The following ZNF625 variants were observed in gnomAD, a reference collection of about 807,000 sequenced individuals.
ZNF625 encodes zinc finger protein 625.
In ZNF625, 8 loss-of-function variants were observed where a neutral mutation model predicts 11.1. The observed-to-expected ratio is 0.72, with a 90% CI of 0.42 to 1.30. The LOEUF is 1.30. Ranked by LOEUF, ZNF625 falls within the 50% of genes most tolerant of loss-of-function variation. The pLI is 0.01. For missense variants in ZNF625, 349 were observed against 447.6 expected (o/e 0.78, Z 1.99); for synonymous variants, 145 against 153.4 (o/e 0.95, Z 0.41).
Position 12,145,506 on chromosome 19 carries a change from C to G in ZNF625, c.910G>C (p.Glu304Gln). The G allele has an allele frequency of 6.2e-7, 1 of 1,604,290 alleles. No homozygotes were observed. Among genetic ancestry groups the G allele is most frequent in the Admixed American group, 1.7e-5 (1 of 59,586 alleles). The part of the protein sequence containing the change: ...ERTHTGEKPY[E>Q]CKQCGKAFRS... Reference sequence around the variant, plus strand: ...AAGGCTTTCCCACATTGCTTACATTCATAGGGCTTCTCTCCAGTGTGAGTT... The same window carrying G: ...AAGGCTTTCCCACATTGCTTACATTGATAGGGCTTCTCTCCAGTGTGAGTT... Residue 304 changes from glutamate (E) to glutamine (Q), a missense_variant, in exon 4 of 4, where the codon GAA (glutamate) becomes CAA (glutamine). Physicochemically the swap from Glu to Gln is conservative, Grantham distance 29. Coordinates refer to ENST00000439556, the MANE Select transcript of ZNF625 (RefSeq NM_145233.4).
chr19:12,145,162 G>A lies in ZNF625; in HGVS notation c.*135C>T, dbSNP rs149597664. On this transcript the variant is annotated 3_prime_UTR_variant, in exon 4 of 4. Coordinates refer to ENST00000439556, the MANE Select transcript of ZNF625 (RefSeq NM_145233.4). ...AAAAATTTTTGCTCCTGGGCTACTG[G>A]CATTTATTTCTGAATGCTGTCAAAT... 0.018 allele frequency: 20,901 copies of A among 1,136,472 alleles called. 241 individuals carry two copies. The highest frequency in any genetic ancestry group is 0.023 in the Non-Finnish European group (18,061 of 802,098). 70.4% of individuals were successfully genotyped at this position (1,136,472 alleles called of 1,614,324 possible). A position where few individuals can be genotyped will look rare whatever the true frequency, so the allele number is the denominator to read the frequency against.
Position 12,145,291 on chromosome 19 carries a change from T to A in ZNF625, c.*6A>T. 1 of 1,584,264 alleles carries A rather than the reference T, an allele frequency of 6.3e-7. No individual in the cohort carries two copies. Among genetic ancestry groups the A allele is most frequent in the Non-Finnish European group, 8.6e-7 (1 of 1,164,966 alleles). On this transcript the variant is annotated 3_prime_UTR_variant, in exon 4 of 4. Coordinates refer to ENST00000439556, the MANE Select transcript of ZNF625 (RefSeq NM_145233.4). ...GATTCGGTGGCTTCTAGGAATCTTA[T>A]GTGAATTAAGCAATCTTCTCGCCTT...
chr19:12,156,378 G>C (rs1452647274), intron 1 of ZNF625, among the ~76,000 whole-genome samples, 178 bp downstream of exon 1: 1 of 151,664 alleles, frequency 6.6e-6, no homozygotes, highest in African/African-American at 2.4e-5. Flanking sequence ...CTGGGGTCCC[G>C]GCTGCCGGCC....
chr19:12,156,515 GC>G, intron 1 of ZNF625, 40 bp downstream of exon 1: 1 of 1,414,552 alleles, frequency 7.1e-7, no homozygotes, highest in Admixed American at 2.7e-5. Flanking sequence ...GTTCCTCCCG[GC>G]CCCTCCCCCG....
At chr19:12,156,526 G>T (rs1206602397) in intron 1 of ZNF625, 30 bp downstream of exon 1, 1 of 1,423,482 alleles carries the variant, frequency 7.0e-7, no homozygotes. Context: ...CCCCTCCCCC[G>T]TCTCGGGACC....
chr19:12,148,545 G>T (rs1427807396), intron 1 of ZNF625, among the ~76,000 whole-genome samples: 1 of 151,970 alleles, frequency 6.6e-6, no homozygotes, highest in Non-Finnish European at 1.5e-5. Flanking sequence ...AACCCCATGT[G>T]CTCTGTCCAA....
Position 12,156,713 on chromosome 19 carries a change from G to A in ZNF625, c.-155C>T, listed in dbSNP as rs1333399137. Reference sequence around the variant, plus strand: ...TCCCGACCTCCCTTTGGTGCAAGACGCCTGGGAGTCAGGAAAGCGGGAATG... The same window carrying A: ...TCCCGACCTCCCTTTGGTGCAAGACACCTGGGAGTCAGGAAAGCGGGAATG... On this transcript the variant is annotated 5_prime_UTR_variant, in exon 1 of 4. Coordinates refer to ENST00000439556, the MANE Select transcript of ZNF625 (RefSeq NM_145233.4). The A allele has an allele frequency of 2.1e-5, 14 of 662,830 alleles. No individual in the cohort carries two copies. The highest frequency in any genetic ancestry group is 2.6e-5 in the Non-Finnish European group (12 of 465,444). The allele number at this position is 662,830 out of a possible 1,614,324, so 41.1% of individuals were successfully genotyped here. A position where few individuals can be genotyped will look rare whatever the true frequency, so the allele number is the denominator to read the frequency against.
chr19:12,150,716 A>C (rs922620421), intron 1 of ZNF625, among the ~76,000 whole-genome samples: 2 of 152,164 alleles, frequency 1.3e-5, no homozygotes, highest in African/African-American at 4.8e-5. Context: ...ACCCTGCTTC[A>C]CAAGTCTGGA....
chr19:12,146,291 C>T (rs1471445829), intron 3 of ZNF625, 67 bp from the exon 4 acceptor site: 1 of 1,412,872 alleles, frequency 7.1e-7, no homozygotes, highest in East Asian at 2.3e-5. Flanking sequence ...ATTAACAAGT[C>T]ATTGCACTTG....
chr19:12,156,667 C>G lies in ZNF625; in HGVS notation c.-109G>C. 2 of 1,132,266 alleles carry G rather than the reference C, an allele frequency of 1.8e-6. No homozygotes were observed. Among genetic ancestry groups the G allele is most frequent in the East Asian group, 3.2e-5 (1 of 31,234 alleles). The allele number at this position is 1,132,266 out of a possible 1,614,324, so 70.1% of individuals were successfully genotyped here. A position where few individuals can be genotyped will look rare whatever the true frequency, so the allele number is the denominator to read the frequency against. ...GCTATGGCGGAGGCACCTGGTCCCT[C>G]TCGGGGCCGGAAAACCGAGATCCCG... On this transcript the variant is annotated 5_prime_UTR_variant, in exon 1 of 4. Coordinates refer to ENST00000439556, the MANE Select transcript of ZNF625 (RefSeq NM_145233.4).
Position 12,156,732 on chromosome 19 carries a change from G to A in ZNF625, c.-174C>T, listed in dbSNP as rs1005227453. On this transcript the variant is annotated 5_prime_UTR_variant, in exon 1 of 4. Transcript: ENST00000439556. ...CAAGACGCCTGGGAGTCAGGAAAGC[G>A]GGAATGCGGCCTCCCCTTCCCCGGA... 2.1e-5 allele frequency: 11 copies of A among 534,900 alleles called. No homozygotes were observed. Among genetic ancestry groups the A allele is most frequent in the East Asian group, 3.5e-5 (1 of 28,574 alleles). 33.1% of individuals were successfully genotyped at this position (534,900 alleles called of 1,614,324 possible).
intron 1 of ZNF625, among the ~76,000 whole-genome samples, chr19:12,150,228 G>T (rs966344981): frequency 6.6e-6 from 1 of 152,204 alleles, no homozygotes; most frequent in Non-Finnish European, 1.5e-5. Flanking sequence ...ATGTCGATTA[G>T]AGAGGGGAGA....
chr19:12,154,695 C>G (rs1176739470), intron 1 of ZNF625, among the ~76,000 whole-genome samples: 1 of 152,128 alleles, frequency 6.6e-6, no homozygotes. Flanking sequence ...GATTTTTATT[C>G]TAATGCACCA....
At chr19:12,155,383 A>G (rs1977012675) in intron 1 of ZNF625, among the ~76,000 whole-genome samples, 1 of 152,170 alleles carries the variant, frequency 6.6e-6, no homozygotes, top group South Asian at 2.1e-4. Context: ...ATCACGTGGC[A>G]GGTAACAGAC....
Position 12,147,669 on chromosome 19 carries a change from C to T in ZNF625, c.130+7G>A, listed in dbSNP as rs535262274. The T allele has an allele frequency of 1.4e-4, 227 of 1,613,814 alleles. 2 individuals carry two copies. In the South Asian group the frequency reaches 2.4e-3, roughly 17 times the overall value. On this transcript the variant is annotated splice_region_variant and intron_variant, in intron 2 of 3. Transcript: ENST00000439556. The stretch of plus-strand genomic sequence containing the variant: ...TTCACTGAGGAAAGTAATATTGTTA[C>T]CCTTACCTACAGAAGCCAGGTTCCT...
At position 12,145,649 on chromosome 19, in the gene ZNF625, A is replaced by C; in HGVS notation, c.767T>G (p.Phe256Cys). The C allele has an allele frequency of 3.7e-6, 6 of 1,614,046 alleles. No homozygotes were observed. Among genetic ancestry groups the C allele is most frequent in the Non-Finnish European group, 5.1e-6 (6 of 1,180,024 alleles). Residue 256 changes from phenylalanine to cysteine, a missense_variant, in exon 4 of 4, where the codon TTC (phenylalanine) becomes TGC (cysteine). By Grantham distance (205) the Phe-to-Cys change is radical (BLOSUM62 -2). Transcript: ENST00000439556. ...PYECSECGKA[F>C]HSSTCLHAHK... ...TGCATGGAGGCATGTGGAACTATGG[A>C]ATGCTTTCCCACACTCACTGCATTC...
intron 1 of ZNF625, among the ~76,000 whole-genome samples, chr19:12,149,426 A>T (rs911645179): frequency 6.6e-6 from 1 of 151,244 alleles, no homozygotes; most frequent in Non-Finnish European, 1.5e-5. Flanking sequence ...TTAAAATAAC[A>T]ACCTGTCCGT....
intron 3 of ZNF625, 132 bp downstream of exon 3, chr19:12,147,263 G>T: frequency 1.2e-6 from 1 of 805,054 alleles, no homozygotes; most frequent in South Asian, 1.7e-5. Context: ...CACCACAGCC[G>T]GCCCTAGAGA....
At chr19:12,148,703 C>A (rs1212515398) in intron 1 of ZNF625, among the ~76,000 whole-genome samples, 5 of 150,348 alleles carry the variant, frequency 3.3e-5, no homozygotes, top group Non-Finnish European at 5.9e-5. Flanking sequence ...CTCACTGCAA[C>A]CTCAGCCTCC....
Sources: allele counts gnomAD v4.1 joint callset (sites outside exome capture counted in the v4.1 genomes callset), GRCh38; gene constraint gnomAD v4.1.1; transcripts MANE v1.5; gene names NCBI Gene and HGNC (gene_info 2026-07-23, HGNC 2026-07-21).